Variants in TBC1D4 observed in about 807,000 individuals in gnomAD.
The protein encoded by TBC1D4 is TBC (Tre-2, BUB2, CDC16) domain-containing protein.
A neutral mutation model predicts 142.5 loss-of-function variants in TBC1D4; 121 were observed. The observed-to-expected ratio is 0.85, with a 90% CI of 0.73 to 0.99. TBC1D4 has a LOEUF of 0.99. TBC1D4 is among the 50% of genes least tolerant of loss of function. The probability of loss-of-function intolerance (pLI) is 0.00; values close to 1 mark genes in which losing one functional copy is unlikely to be tolerated. For missense variants in TBC1D4, 1,475 were observed against 1,606.6 expected (o/e 0.92, Z 1.40); for synonymous variants, 630 against 628.2 (o/e 1.00, Z -0.04).
At chr13:75,452,606 T>C (rs1478376843) in intron 1 of TBC1D4, among the ~76,000 whole-genome samples, 6 of 152,232 alleles carry the variant, frequency 3.9e-5, no homozygotes, top group Admixed American at 3.9e-4. Context: ...TTTCGATGAC[T>C]AAACATTAAC....
intron 1 of TBC1D4, among the ~76,000 whole-genome samples, chr13:75,412,931 C>T (rs1593859427): frequency 6.6e-6 from 1 of 152,248 alleles, no homozygotes; most frequent in East Asian, 1.9e-4. Context: ...ATTCTGTGAC[C>T]TAAAACCTGA....
At chr13:75,417,156 C>A (rs553110470) in intron 1 of TBC1D4, among the ~76,000 whole-genome samples, 17 of 152,334 alleles carry the variant, frequency 1.1e-4, no homozygotes, top group South Asian at 6.2e-4. Context: ...ACACACCACA[C>A]CCTGTCCCCC....
intron 1 of TBC1D4, among the ~76,000 whole-genome samples, chr13:75,466,478 T>C (rs1322548585): frequency 1.3e-5 from 2 of 152,132 alleles, no homozygotes; most frequent in African/African-American, 4.8e-5. Flanking sequence ...AACAATTTTC[T>C]AATAATCAGT....
intron 4 of TBC1D4, among the ~76,000 whole-genome samples, chr13:75,350,897 T>C (rs1375937378): frequency 6.6e-6 from 1 of 152,178 alleles, no homozygotes; most frequent in Non-Finnish European, 1.5e-5. Context: ...AATACTTTAT[T>C]TTCTAAAATC....
intron 9 of TBC1D4, 123 bp from the exon 10 acceptor site, chr13:75,326,546 T>G: frequency 1.0e-6 from 1 of 998,944 alleles, no homozygotes. Context: ...AAAACTGTTT[T>G]TCCTCCCCCT....
In TBC1D4 at chr13:75,469,231, C is replaced by T. The variant is rs142709493; in HGVS notation, c.498+12039G>A. On this transcript the variant is annotated intron_variant, in intron 1 of 20. Coordinates refer to ENST00000377636, the MANE Select transcript of TBC1D4 (RefSeq NM_014832.5). ...GGAGAGCAGCCTTCAAGAAGACACC[C>T]GGAGATGAACGGGGCGGAGTCACAC... 2.5e-3 allele frequency among the ~76,000 whole-genome samples: 382 copies of T among 152,194 alleles called. 1 individual carries two copies. Among genetic ancestry groups the T allele is most frequent in the African/African-American group, 3.3e-3 (137 of 41,538 alleles).
chr13:75,409,782 A>T (rs1885521663), intron 1 of TBC1D4, among the ~76,000 whole-genome samples: 1 of 152,368 alleles, frequency 6.6e-6, no homozygotes. Context: ...ACATGTATGT[A>T]ATTTCAATTA....
intron 1 of TBC1D4, among the ~76,000 whole-genome samples, chr13:75,446,688 A>T (rs546277974): frequency 6.6e-6 from 1 of 152,350 alleles, no homozygotes; most frequent in South Asian, 2.1e-4. Flanking sequence ...ACTTGATGTG[A>T]CATTGAACAA....
At chr13:75,474,427 C>T (rs575255152) in intron 1 of TBC1D4, among the ~76,000 whole-genome samples, 28 of 152,126 alleles carry the variant, frequency 1.8e-4, no homozygotes, top group Middle Eastern at 3.4e-3. Context: ...GGCGTGGTGG[C>T]GGGTGCCTGT....
chr13:75,286,901 TCCACTG>T lies in TBC1D4; in HGVS notation c.3782_3787del (p.Thr1261_Glu1263delinsLys). ...CGCGGGCAGCAGCTTCCGGAGTTGC[TCCACTG>T]TCTTTTGATAAGCCATTTTTTCTTG... On this transcript the variant is annotated inframe_deletion, in exon 21 of 21. Coordinates refer to ENST00000377636, the MANE Select transcript of TBC1D4 (RefSeq NM_014832.5). The T allele has an allele frequency of 1.9e-6, 3 of 1,613,998 alleles. No homozygotes were observed. Among genetic ancestry groups the T allele is most frequent in the Non-Finnish European group, 2.5e-6 (3 of 1,179,974 alleles).
chr13:75,380,026 C>T (rs1444354343), intron 1 of TBC1D4, among the ~76,000 whole-genome samples: 2 of 150,616 alleles, frequency 1.3e-5, no homozygotes, highest in Non-Finnish European at 3.0e-5. Context: ...ATGCTTCAAC[C>T]TCCGAAGTGT....
chr13:75,374,135 G>A (rs910548922), intron 1 of TBC1D4, among the ~76,000 whole-genome samples: 8 of 152,132 alleles, frequency 5.3e-5, no homozygotes, highest in Middle Eastern at 3.4e-3. Context: ...AAGCCACCTG[G>A]AAGCAGGAGC....
At chr13:75,433,753 T>C (rs1886682730) in intron 1 of TBC1D4, among the ~76,000 whole-genome samples, 1 of 152,164 alleles carries the variant, frequency 6.6e-6, no homozygotes. Context: ...CGAAAAAATA[T>C]TTGCAAACTA....
intron 1 of TBC1D4, among the ~76,000 whole-genome samples, chr13:75,405,670 T>C (rs897689259): frequency 6.6e-6 from 1 of 152,238 alleles, no homozygotes; most frequent in Non-Finnish European, 1.5e-5. Flanking sequence ...TTTAACTTTT[T>C]ATATTTTTCT....
intron 1 of TBC1D4, among the ~76,000 whole-genome samples, chr13:75,442,820 T>G (rs1295851832): frequency 1.3e-5 from 2 of 148,964 alleles, no homozygotes; most frequent in African/African-American, 4.9e-5. Context: ...GAAAAGTCAG[T>G]GAGTAACAGA....
At chr13:75,468,718 C>T (rs1430345867) in intron 1 of TBC1D4, among the ~76,000 whole-genome samples, 1 of 152,124 alleles carries the variant, frequency 6.6e-6, no homozygotes, top group Non-Finnish European at 1.5e-5. Flanking sequence ...CTAAAGGCAA[C>T]CATATGAAAA....
chr13:75,340,125 A>T (rs1880558440), intron 7 of TBC1D4, among the ~76,000 whole-genome samples: 1 of 139,238 alleles, frequency 7.2e-6, no homozygotes, highest in Non-Finnish European at 1.6e-5. Context: ...AGAGGACATG[A>T]TTCATTCATC....
At position 75,302,159 on chromosome 13, in the gene TBC1D4, C is replaced by A. The variant is rs1245837522; in HGVS notation, c.2911+84G>T. On this transcript the variant is annotated intron_variant, in intron 16 of 20. Coordinates refer to ENST00000377636, the MANE Select transcript of TBC1D4 (RefSeq NM_014832.5). Reference sequence around the variant, plus strand: ...TGCCAACAGGTGCTCTTTATCAGCACCAAGAACAAACAAAAACCAAAAAAA... The same window carrying A: ...TGCCAACAGGTGCTCTTTATCAGCAACAAGAACAAACAAAAACCAAAAAAA... The A allele has an allele frequency of 4.3e-5, 67 of 1,555,550 alleles. 1 individual carries two copies. Among genetic ancestry groups the A allele is most frequent in the South Asian group, 2.9e-4 (26 of 89,598 alleles).
At chr13:75,402,108 G>C (rs533692280) in intron 1 of TBC1D4, among the ~76,000 whole-genome samples, 12 of 152,276 alleles carry the variant, frequency 7.9e-5, no homozygotes, top group African/African-American at 2.6e-4. Flanking sequence ...GTGCCCTAAA[G>C]TCAAGGATGA....
Sources: gnomAD v4.1 joint callset for allele counts (sites outside exome capture counted in the v4.1 genomes callset) on GRCh38, gnomAD v4.1.1 for gene constraint, MANE v1.5 for transcripts, NCBI Gene and HGNC (gene_info 2026-07-23, HGNC 2026-07-21) for gene names.